Variants in CAMK1D observed in about 807,000 individuals in gnomAD.
CAMK1D encodes calcium/calmodulin dependent protein kinase ID, also known as calcium/calmodulin-dependent protein kinase type 1D.
A neutral mutation model predicts 47.7 loss-of-function variants in CAMK1D; 9 were observed. The ratio of observed to expected loss-of-function variants is 0.19; its 90% CI spans 0.11 to 0.33. CAMK1D has a LOEUF of 0.33. Ranked by LOEUF, CAMK1D falls within the 10% of genes least tolerant of loss-of-function variation. The probability of loss-of-function intolerance (pLI) is 1.00; values close to 1 mark genes in which losing one functional copy is unlikely to be tolerated. For synonymous variants in CAMK1D, 184 were observed against 184.9 expected, an observed-to-expected ratio of 0.99 and a Z score of 0.04; for missense variants, 291 against 488.7, an observed-to-expected ratio of 0.60 and a Z score of 3.81.
At chr10:12,537,510 A>G (rs903111801) in intron 1 of CAMK1D, among the ~76,000 whole-genome samples, 3 of 152,256 alleles carry the variant, frequency 2.0e-5, no homozygotes, top group South Asian at 2.1e-4. Context: ...CCTGCTGAGA[A>G]AAAGCCTGCC....
intron 1 of CAMK1D, among the ~76,000 whole-genome samples, chr10:12,488,812 A>G (rs1312957914): frequency 6.6e-6 from 1 of 152,162 alleles, no homozygotes; most frequent in African/African-American, 2.4e-5. Context: ...TGAGAATCTA[A>G]TGGCGCCGCT....
In CAMK1D at chr10:12,787,225, GC is replaced by G. The variant is rs559434583; in HGVS notation, c.566-3931del. Among the ~76,000 whole-genome samples, 8 of 152,334 alleles carry G rather than the reference GC, an allele frequency of 5.3e-5. No individual in the cohort carries two copies. The South Asian group carries it at 1.7e-3, about 32-fold the overall frequency. ...CCCCTTGCTTTTCCAGCCTGTACATGCCTTGCACCACGGCCCAGTGTGTCAG... is the reference window on the plus strand; with the variant it reads ...CCCCTTGCTTTTCCAGCCTGTACATGCTTGCACCACGGCCCAGTGTGTCAG... On this transcript the variant is annotated intron_variant, in intron 5 of 10. Coordinates refer to ENST00000619168, the MANE Select transcript of CAMK1D (RefSeq NM_153498.4).
At chr10:12,473,707 C>T (rs771377473) in intron 1 of CAMK1D, among the ~76,000 whole-genome samples, 1 of 152,106 alleles carries the variant, frequency 6.6e-6, no homozygotes, top group Non-Finnish European at 1.5e-5. Flanking sequence ...TCCCAACCGC[C>T]CAGCTGCTGC....
chr10:12,596,742 G>C (rs1243947185), intron 2 of CAMK1D, among the ~76,000 whole-genome samples: 1 of 152,044 alleles, frequency 6.6e-6, no homozygotes, highest in East Asian at 1.9e-4. Context: ...AAACTGGTAG[G>C]TTCCTCTGGA....
intron 1 of CAMK1D, among the ~76,000 whole-genome samples, chr10:12,395,065 A>ATT (rs5783265): frequency 1.6e-4 from 15 of 94,716 alleles, no homozygotes; most frequent in Non-Finnish European, 2.2e-4. Context: ...TAAAATTTTA[A>ATT]TTTTTTTTTT....
chr10:12,515,979 T>A (rs550118876), intron 1 of CAMK1D, among the ~76,000 whole-genome samples: 32 of 152,294 alleles, frequency 2.1e-4, no homozygotes, highest in Non-Finnish European at 3.4e-4. Context: ...CATAATTTCT[T>A]TGGAGATTCA....
intron 3 of CAMK1D, among the ~76,000 whole-genome samples, chr10:12,695,597 T>C (rs1833258892): frequency 6.6e-6 from 1 of 152,196 alleles, no homozygotes. Flanking sequence ...TGTGGTGCTG[T>C]AGTCACTGTG....
intron 1 of CAMK1D, among the ~76,000 whole-genome samples, chr10:12,541,118 C>CT (rs749883357): frequency 6.6e-5 from 10 of 152,106 alleles, no homozygotes; most frequent in Non-Finnish European, 1.3e-4. Flanking sequence ...GAAAGCAAGT[C>CT]TTTTTGCTGT....
chr10:12,446,947 G>T (rs1360222991), intron 1 of CAMK1D, among the ~76,000 whole-genome samples: 1 of 152,136 alleles, frequency 6.6e-6, no homozygotes, highest in African/African-American at 2.4e-5. Flanking sequence ...AGGGATTTTG[G>T]AATAGAACTA....
At chr10:12,605,618 A>T (rs909447200) in intron 2 of CAMK1D, among the ~76,000 whole-genome samples, 1 of 152,030 alleles carries the variant, frequency 6.6e-6, no homozygotes, top group Non-Finnish European at 1.5e-5. Flanking sequence ...CTCACTTCAG[A>T]GAGATGATAC....
At chr10:12,441,760 C>T (rs1029875706) in intron 1 of CAMK1D, among the ~76,000 whole-genome samples, 1 of 152,098 alleles carries the variant, frequency 6.6e-6, no homozygotes, top group African/African-American at 2.4e-5. Flanking sequence ...GATTGTGCCA[C>T]TGCACTCCAG....
chr10:12,493,011 G>A (rs1182712957), intron 1 of CAMK1D, among the ~76,000 whole-genome samples: 1 of 152,236 alleles, frequency 6.6e-6, no homozygotes, highest in Non-Finnish European at 1.5e-5. Flanking sequence ...CCTGGAAGGT[G>A]CAGGGTACTT....
intron 2 of CAMK1D, among the ~76,000 whole-genome samples, chr10:12,592,123 C>A (rs1838014913): frequency 6.6e-6 from 1 of 152,210 alleles, no homozygotes; most frequent in Non-Finnish European, 1.5e-5. Context: ...TTCTCCAGAC[C>A]TGGTCACTTA....
rs1193928594 is a variant in CAMK1D at position 12,389,272 on chromosome 10, G to A, written c.92+39362G>A. 2.6e-5 allele frequency among the ~76,000 whole-genome samples: 4 copies of A among 152,102 alleles called. No individual in the cohort carries two copies. The East Asian group carries it at 5.8e-4, about 22-fold the overall frequency. Reference sequence around the variant, plus strand: ...GGTGGCAGGTGGTTGGCGGTGGCGCGTGCCAGCCCCGGGTCTGTGCCTAGA... The same window carrying A: ...GGTGGCAGGTGGTTGGCGGTGGCGCATGCCAGCCCCGGGTCTGTGCCTAGA... On this transcript the variant is annotated intron_variant, in intron 1 of 10. Coordinates refer to ENST00000619168, the MANE Select transcript of CAMK1D (RefSeq NM_153498.4).
intron 3 of CAMK1D, among the ~76,000 whole-genome samples, chr10:12,732,670 G>GCCCCCCC (rs367919756): frequency 1.4e-4 from 10 of 71,772 alleles, no homozygotes; most frequent in African/African-American, 4.5e-4. Context: ...AATTACCCCC[G>GCCCCCCC]CCCCCCCCGC....
At chr10:12,563,394 C>CCTTTTT (rs1837007216) in intron 2 of CAMK1D, among the ~76,000 whole-genome samples, 1 of 152,216 alleles carries the variant, frequency 6.6e-6, no homozygotes, top group Non-Finnish European at 1.5e-5. Context: ...TCTTCCTCTG[C>CCTTTTT]CTTTTTCTTC....
intron 2 of CAMK1D, among the ~76,000 whole-genome samples, chr10:12,588,789 TACACACAC>T (rs566585314): frequency 6.9e-6 from 1 of 145,542 alleles, no homozygotes; most frequent in East Asian, 2.0e-4. Context: ...TATATATATA[TACACACAC>T]ACACACACAC....
intron 2 of CAMK1D, among the ~76,000 whole-genome samples, chr10:12,570,765 C>T (rs970586829): frequency 2.7e-5 from 4 of 150,252 alleles, no homozygotes; most frequent in African/African-American, 4.9e-5. Flanking sequence ...AGGAGTTCAA[C>T]GCCAATCTGG....
chr10:12,628,360 C>T (rs760687292), intron 2 of CAMK1D, among the ~76,000 whole-genome samples: 2 of 152,102 alleles, frequency 1.3e-5, no homozygotes, highest in African/African-American at 2.4e-5. Context: ...AAATTTTAGC[C>T]ATTCTAGTAT....
Sources: gnomAD v4.1 joint callset for allele counts (sites outside exome capture counted in the v4.1 genomes callset) on GRCh38, gnomAD v4.1.1 for gene constraint, MANE v1.5 for transcripts, NCBI Gene and HGNC (gene_info 2026-07-23, HGNC 2026-07-21) for gene names.